LMNTD1: variants seen among roughly 807,000 people sequenced by gnomAD.
The protein encoded by LMNTD1 is lamin tail domain containing 1.
LMNTD1 carries 35 observed loss-of-function variants against 50.9 expected under a neutral mutation model. The ratio of observed to expected loss-of-function variants is 0.69; its 90% CI spans 0.53 to 0.91. LMNTD1 has a LOEUF of 0.91. Ranked by LOEUF, LMNTD1 falls within the 40% of genes least tolerant of loss-of-function variation. The probability of loss-of-function intolerance (pLI) is 0.00; values close to 1 mark genes in which losing one functional copy is unlikely to be tolerated. For synonymous variants in LMNTD1, 153 were observed against 161.9 expected, an observed-to-expected ratio of 0.94 and a Z score of 0.42; for missense variants, 470 against 475.5, an observed-to-expected ratio of 0.99 and a Z score of 0.11.
At chr12:25,597,372 A>T (rs1945866720) in intron 1 of LMNTD1, among the ~76,000 whole-genome samples, 1 of 152,118 alleles carries the variant, frequency 6.6e-6, no homozygotes, top group Non-Finnish European at 1.5e-5. Context: ...TATCAGAAAA[A>T]ATAGATTGCA....
chr12:25,595,802 G>A (rs1945832001), intron 1 of LMNTD1, among the ~76,000 whole-genome samples: 1 of 151,696 alleles, frequency 6.6e-6, no homozygotes, highest in Non-Finnish European at 1.5e-5. Context: ...ACAAAAAGCT[G>A]GTTTTTTGAA....
chr12:25,641,911 T>A (rs1356186032), intron 1 of LMNTD1, among the ~76,000 whole-genome samples: 1 of 152,156 alleles, frequency 6.6e-6, no homozygotes, highest in African/African-American at 2.4e-5. Flanking sequence ...ACAACCATAG[T>A]AGGACTTTTC....
intron 1 of LMNTD1, among the ~76,000 whole-genome samples, chr12:25,597,792 C>T (rs1945874134): frequency 6.6e-6 from 1 of 152,132 alleles, no homozygotes; most frequent in Non-Finnish European, 1.5e-5. Context: ...AAACAATGTC[C>T]AGCATCTTCT....
chr12:25,641,182 G>T lies in LMNTD1; in HGVS notation c.58+7312C>A. On this transcript the variant is annotated intron_variant, in intron 1 of 7. Coordinates refer to the LMNTD1 transcript ENST00000445693. ...TGACTATAGAATAGATCTGATAAGT[G>T]CAAGAAGGTAATAGTATTCTGTTTT... Among the ~76,000 whole-genome samples, 2 of 152,146 alleles carry T rather than the reference G, an allele frequency of 1.3e-5. 1 individual carries two copies. The highest frequency in any genetic ancestry group is 2.9e-5 in the Non-Finnish European group (2 of 68,020).
intron 1 of LMNTD1, among the ~76,000 whole-genome samples, chr12:25,588,558 T>C (rs1392873253): frequency 6.6e-6 from 1 of 152,040 alleles, no homozygotes; most frequent in Admixed American, 6.5e-5. Flanking sequence ...GATGCATACA[T>C]AGTAAAACTA....
At chr12:25,602,264 C>A (rs1273278221) in intron 1 of LMNTD1, among the ~76,000 whole-genome samples, 1 of 151,628 alleles carries the variant, frequency 6.6e-6, no homozygotes, top group Non-Finnish European at 1.5e-5. Flanking sequence ...TTTTTATTTT[C>A]TTTCTTTTCT....
At chr12:25,521,006 T>A (rs578056170) in intron 6 of LMNTD1, among the ~76,000 whole-genome samples, 1 of 152,372 alleles carries the variant, frequency 6.6e-6, no homozygotes, top group South Asian at 2.1e-4. Context: ...TTTTTAAATG[T>A]CTTTGGAGAA....
intron 9 of LMNTD1, among the ~76,000 whole-genome samples, chr12:25,491,161 T>C (rs1158549767): frequency 6.6e-6 from 1 of 152,252 alleles, no homozygotes; most frequent in Non-Finnish European, 1.5e-5. Context: ...TTGATCATTT[T>C]TTCCCCTTTT....
intron 3 of LMNTD1, among the ~76,000 whole-genome samples, chr12:25,549,055 G>C (rs2136238187): frequency 6.6e-6 from 1 of 152,054 alleles, no homozygotes; most frequent in Non-Finnish European, 1.5e-5. Flanking sequence ...ATGTATGTTA[G>C]CGGTCAACTC....
At chr12:25,568,602 C>G (rs183093953) in intron 1 of LMNTD1, among the ~76,000 whole-genome samples, 1 of 152,304 alleles carries the variant, frequency 6.6e-6, no homozygotes, top group East Asian at 1.9e-4. Flanking sequence ...GCCCAGAGAT[C>G]TAGAGTAAAG....
At chr12:25,639,696 G>GT (rs1021718934) in intron 1 of LMNTD1, among the ~76,000 whole-genome samples, 193 of 152,258 alleles carry the variant, frequency 1.3e-3, no homozygotes, top group African/African-American at 4.4e-3. Context: ...TTTGTACATT[G>GT]TTTGTGGGAA....
In LMNTD1 at chr12:25,648,450, C is replaced by A. The variant is rs150408531; in HGVS notation, c.58+44G>T. Reference sequence around the variant, plus strand: ...ATAAAAAGGAAATGAGGGAAGCCAGCGAATTGCCTGATGGGGAAAATCCAG... The same window carrying A: ...ATAAAAAGGAAATGAGGGAAGCCAGAGAATTGCCTGATGGGGAAAATCCAG... On this transcript the variant is annotated intron_variant, in intron 1 of 7. Transcript: ENST00000445693. 1.4e-4 allele frequency: 216 copies of A among 1,496,382 alleles called. 1 individual carries two copies. The East Asian group carries it at 4.5e-3, about 31-fold the overall frequency. 92.7% of individuals were successfully genotyped at this position (1,496,382 alleles called of 1,614,324 possible). A position where few individuals can be genotyped will look rare whatever the true frequency, so the allele number is the denominator to read the frequency against.
intron 4 of LMNTD1, among the ~76,000 whole-genome samples, chr12:25,542,133 A>T (rs1397177464): frequency 6.6e-6 from 1 of 151,092 alleles, no homozygotes; most frequent in African/African-American, 2.4e-5. Flanking sequence ...GGGACTGTAA[A>T]CTAGTTCAAC....
intron 1 of LMNTD1, among the ~76,000 whole-genome samples, chr12:25,620,853 A>G (rs1225510319): frequency 6.6e-6 from 1 of 152,190 alleles, no homozygotes; most frequent in Admixed American, 6.5e-5. Flanking sequence ...CAAGTGCTTT[A>G]TACGCGCTCT....
intron 1 of LMNTD1, chr12:25,592,354 T>C (rs1018779920): frequency 1.1e-4 from 17 of 152,088 alleles, no homozygotes; most frequent in African/African-American, 3.4e-4. Context: ...AGGAAGCAGA[T>C]TGCTCCTGCA....
chr12:25,577,324 T>A (rs1042650261), intron 1 of LMNTD1, among the ~76,000 whole-genome samples: 2 of 152,244 alleles, frequency 1.3e-5, no homozygotes, highest in Non-Finnish European at 2.9e-5. Context: ...CCCATGAGCA[T>A]GGAATGTTCT....
Position 25,602,580 on chromosome 12 carries a change from G to A in LMNTD1, c.58+45914C>T, listed in dbSNP as rs1182886444. On this transcript the variant is annotated intron_variant, in intron 1 of 7. Transcript: ENST00000445693. ...AGCTTTCTCTGGGAATTTTTCTAAA[G>A]GGCTTTTAATTGCTGACAGTCAAAA... is the stretch of plus-strand genomic sequence containing the variant. 7.9e-5 allele frequency among the ~76,000 whole-genome samples: 12 copies of A among 152,036 alleles called. No homozygotes were observed. In the East Asian group the frequency reaches 2.3e-3, roughly 29 times the overall value.
At chr12:25,551,588 G>T (rs542514318) in intron 2 of LMNTD1, among the ~76,000 whole-genome samples, 1 of 152,182 alleles carries the variant, frequency 6.6e-6, no homozygotes, top group East Asian at 1.9e-4. Context: ...ATGTGGTGTT[G>T]CTATGTTGCC....
chr12:25,608,442 A>C lies in LMNTD1; in HGVS notation c.58+40052T>G, dbSNP rs895984908. Among the ~76,000 whole-genome samples, 10 of 152,112 alleles carry C rather than the reference A, an allele frequency of 6.6e-5. 1 individual carries two copies. Among genetic ancestry groups the C allele is most frequent in the Admixed American group, 5.2e-4 (8 of 15,272 alleles). Reference sequence around the variant, plus strand: ...CTTCCTAGCATCGATGGTCTTTACAATTTGGCATGTTTTTGCAGTGACTGG... The same window carrying C: ...CTTCCTAGCATCGATGGTCTTTACACTTTGGCATGTTTTTGCAGTGACTGG... On this transcript the variant is annotated intron_variant, in intron 1 of 7. Coordinates refer to the LMNTD1 transcript ENST00000445693.
Sources: allele counts gnomAD v4.1 joint callset (sites outside exome capture counted in the v4.1 genomes callset), GRCh38; gene constraint gnomAD v4.1.1; transcripts MANE v1.5; gene names NCBI Gene and HGNC (gene_info 2026-07-23, HGNC 2026-07-21).